The following C11orf58 variants were observed in gnomAD, a reference collection of about 807,000 sequenced individuals.
C11orf58 encodes chromosome 11 open reading frame 58, also known as small acidic protein.
Under a neutral mutation model 22.7 loss-of-function variants are expected in C11orf58, and 5 were observed. That is an observed-to-expected ratio of 0.22 (90% CI 0.12 to 0.46). The LOEUF is 0.46. C11orf58 is among the 20% of genes least tolerant of loss of function. C11orf58 has a pLI of 0.99. For synonymous variants in C11orf58, 71 were observed against 70.7 expected, an observed-to-expected ratio of 1.00 and a Z score of -0.02; for missense variants, 151 against 223.3, an observed-to-expected ratio of 0.68 and a Z score of 2.06.
chr11:16,739,057 G>A (rs1052268720), intron 1 of C11orf58, among the ~76,000 whole-genome samples: 11 of 152,128 alleles, frequency 7.2e-5, no homozygotes, highest in African/African-American at 9.7e-5. Context: ...ACCTGCGTAG[G>A]AAGGGGGATT....
intron 1 of C11orf58, among the ~76,000 whole-genome samples, chr11:16,741,123 A>T (rs1848445037): frequency 6.6e-6 from 1 of 151,060 alleles, no homozygotes; most frequent in Non-Finnish European, 1.5e-5. Flanking sequence ...ATCTAGTTAT[A>T]ATATATAGTT....
At chr11:16,754,263 T>C (rs1009455558) in intron 4 of C11orf58, among the ~76,000 whole-genome samples, 1 of 152,074 alleles carries the variant, frequency 6.6e-6, no homozygotes, top group South Asian at 2.1e-4. Flanking sequence ...CAGGAAAATA[T>C]AATACCATGG....
intron 1 of C11orf58, chr11:16,744,249 A>AT: frequency 9.9e-6 from 2 of 202,288 alleles, no homozygotes; most frequent in Non-Finnish European, 2.0e-5. Flanking sequence ...ATCAGCAATC[A>AT]TTTAAGAATT....
chr11:16,738,740 C>A lies in C11orf58; in HGVS notation c.-39C>A. ...CTGGTTTTGCGGCTGGGAAGAGCGG[C>A]GAGAGGGTTCGGCATTTTTCGTCGG... On this transcript the variant is annotated 5_prime_UTR_variant, in exon 1 of 5. Coordinates refer to ENST00000228136, the MANE Select transcript of C11orf58 (RefSeq NM_014267.6). The A allele has an allele frequency of 6.2e-7, 1 of 1,610,308 alleles. No homozygotes were observed. Among genetic ancestry groups the A allele is most frequent in the Middle Eastern group, 1.8e-4 (1 of 5,602 alleles).
In C11orf58 at chr11:16,755,185, C is replaced by A; in HGVS notation, c.*81C>A. 6 of 1,446,942 alleles carry A rather than the reference C, an allele frequency of 4.1e-6. No individual in the cohort carries two copies. The highest frequency in any genetic ancestry group is 4.7e-6 in the Non-Finnish European group (5 of 1,073,154). 89.6% of individuals were successfully genotyped at this position (1,446,942 alleles called of 1,614,324 possible). ...TGGAGGACTGCTTATAGAGCACAGA[C>A]CTTTGTATTATAATTTTTAAAAAGG... On this transcript the variant is annotated 3_prime_UTR_variant, in exon 5 of 5. Coordinates refer to ENST00000228136, the MANE Select transcript of C11orf58 (RefSeq NM_014267.6).
chr11:16,743,450 C>T (rs1848463493), intron 1 of C11orf58, among the ~76,000 whole-genome samples: 1 of 152,124 alleles, frequency 6.6e-6, no homozygotes, highest in African/African-American at 2.4e-5. Context: ...GAAAAGCCTT[C>T]TAATATTTCC....
intron 2 of C11orf58, chr11:16,747,892 G>A (rs1427012080): frequency 2.0e-6 from 1 of 494,080 alleles, no homozygotes; most frequent in African/African-American, 2.0e-5. Context: ...TTCTAACATA[G>A]TATAAATAGT....
In C11orf58 at chr11:16,752,827, A is replaced by G. The variant is rs1848544034; in HGVS notation, c.251A>G (p.Tyr84Cys). Residue 84 changes from tyrosine to cysteine, a missense_variant, in exon 4 of 5, where the codon TAT becomes TGT. This residue lies in a region of C11orf58 where 112 missense variants were observed against 162.6 expected (regional missense o/e 0.69). Coordinates refer to ENST00000228136, the MANE Select transcript of C11orf58 (RefSeq NM_014267.6). ...KKINEELESQ[Y>C]QQSMDSKLSG... ...ATTAATGAAGAACTGGAGTCTCAATATCAGCAAAGTATGGACAGTAAATTA... is the reference window on the plus strand; with the variant it reads ...ATTAATGAAGAACTGGAGTCTCAATGTCAGCAAAGTATGGACAGTAAATTA... The G allele has an allele frequency of 1.2e-6, 2 of 1,613,382 alleles. No individual in the cohort carries two copies. The highest frequency in any genetic ancestry group is 1.7e-6 in the Non-Finnish European group (2 of 1,179,808).
chr11:16,738,987 C>T (rs1848420372), intron 1 of C11orf58, 146 bp downstream of exon 1: 13 of 850,902 alleles, frequency 1.5e-5, no homozygotes, highest in South Asian at 4.5e-5. Context: ...TGGGAAATGC[C>T]TCCCTTAATC....
chr11:16,750,591 T>A (rs1848525287), intron 3 of C11orf58: 4 of 152,930 alleles, frequency 2.6e-5, no homozygotes. Flanking sequence ...GAGGCACAGT[T>A]GTTAGAATTA....
At chr11:16,744,830 T>G in intron 2 of C11orf58, 146 bp downstream of exon 2, 1 of 671,924 alleles carries the variant, frequency 1.5e-6, no homozygotes, top group Non-Finnish European at 2.5e-6. Context: ...ACATGTGGCC[T>G]AACCAAGCAC....
chr11:16,746,924 T>G (rs898093838), intron 2 of C11orf58: 29 of 152,468 alleles, frequency 1.9e-4, no homozygotes, highest in African/African-American at 6.7e-4. Flanking sequence ...CATGAGCCAC[T>G]GCGCCTGGCC....
chr11:16,746,196 A>AC (rs1400967275), intron 2 of C11orf58, among the ~76,000 whole-genome samples: 7 of 152,266 alleles, frequency 4.6e-5, no homozygotes, highest in South Asian at 2.1e-4. Flanking sequence ...AGTTAGCCAG[A>AC]CTACAACAGT....
At position 16,754,851 on chromosome 11, in the gene C11orf58, C is replaced by G; in HGVS notation, c.319-20C>G. The G allele has an allele frequency of 6.2e-7, 1 of 1,609,242 alleles. No homozygotes were observed. Among genetic ancestry groups the G allele is most frequent in the Non-Finnish European group, 8.5e-7 (1 of 1,178,164 alleles). ...GGGCTAATGTTTATTTTTAAAAGAG[C>G]CTGTTGATTGATGTTTTAGGTAGAA... On this transcript the variant is annotated intron_variant, in intron 4 of 4. Coordinates refer to ENST00000228136, the MANE Select transcript of C11orf58 (RefSeq NM_014267.6).
intron 1 of C11orf58, 129 bp from the exon 2 acceptor site, chr11:16,744,472 A>C: frequency 2.9e-6 from 2 of 680,874 alleles, no homozygotes. Context: ...CTTCCTAAGC[A>C]AGAAAAATGA....
chr11:16,753,990 G>GGA lies in C11orf58; in HGVS notation c.319-880_319-879insAG, dbSNP rs1161114171. On this transcript the variant is annotated intron_variant, in intron 4 of 4. Coordinates refer to ENST00000228136, the MANE Select transcript of C11orf58 (RefSeq NM_014267.6). ...ACTACAGGTGTGAGCCACCATGTCCGGCCAGGGCACATTTTTAATAGGCGT... is the reference window on the plus strand; with the variant it reads ...ACTACAGGTGTGAGCCACCATGTCCGGAGCCAGGGCACATTTTTAATAGGCGT... 1.9e-5 allele frequency: 9 copies of GGA among 471,392 alleles called. No homozygotes were observed. In the Admixed American group the frequency reaches 2.8e-4, roughly 15 times the overall value. 29.2% of individuals were successfully genotyped at this position (471,392 alleles called of 1,614,324 possible).
chr11:16,741,340 G>C (rs983345583), intron 1 of C11orf58, among the ~76,000 whole-genome samples: 3 of 152,196 alleles, frequency 2.0e-5, no homozygotes, highest in African/African-American at 7.2e-5. Context: ...GAGGTAAATT[G>C]ATTGCAGTTC....
chr11:16,754,941 C>T lies in C11orf58; in HGVS notation c.389C>T (p.Pro130Leu), dbSNP rs1422332610. 1.2e-6 allele frequency: 2 copies of T among 1,613,980 alleles called. No homozygotes were observed. The highest frequency in any genetic ancestry group is 1.1e-5 in the South Asian group (1 of 91,078). ...DDDDDDDSPDPESPDDSESDS... is the reference protein window; with the variant it reads ...DDDDDDDSPDLESPDDSESDS... ...GATGACGATGATGATTCACCTGATC[C>T]TGAAAGTCCAGATGATTCTGAAAGC... is the stretch of plus-strand genomic sequence containing the variant. Residue 130 changes from proline to leucine, a missense_variant, in exon 5 of 5, where the codon CCT becomes CTT. Around this residue, in one of 3 missense-constraint regions of C11orf58, gnomAD observed 112 missense variants for 162.6 expected, o/e 0.69. Coordinates refer to ENST00000228136, the MANE Select transcript of C11orf58 (RefSeq NM_014267.6).
intron 3 of C11orf58, chr11:16,749,257 T>G (rs914481237): frequency 4.6e-5 from 7 of 152,202 alleles, no homozygotes; most frequent in African/African-American, 1.7e-4. Flanking sequence ...TAGATTATGT[T>G]TAACAAAACT....
Sources: allele counts gnomAD v4.1 joint callset (sites outside exome capture counted in the v4.1 genomes callset), GRCh38; gene constraint gnomAD v4.1.1; regional missense constraint gnomAD v4.1.1; transcripts MANE v1.5; gene names NCBI Gene and HGNC (gene_info 2026-07-23, HGNC 2026-07-21).